The following PSD3 variants were observed in gnomAD, a reference collection of about 807,000 sequenced individuals.
PSD3 encodes PH and SEC7 domain-containing protein 3.
In PSD3, 49 loss-of-function variants were observed where a neutral mutation model predicts 105.5. The ratio of observed to expected loss-of-function variants is 0.46; its 90% CI spans 0.37 to 0.59. The LOEUF is 0.59. Among genes scored for constraint, PSD3 ranks in the 20% least tolerant of loss-of-function variants. The pLI, the probability that PSD3 is intolerant of heterozygous loss-of-function variation, is 0.00. For missense variants in PSD3, 1,561 were observed against 1,263.8 expected (o/e 1.24, Z -3.57); for synonymous variants, 557 against 457.8 (o/e 1.22, Z -2.77).
intron 1 of PSD3, among the ~76,000 whole-genome samples, chr8:19,060,816 G>A (rs1043234427): frequency 1.3e-5 from 2 of 152,226 alleles, no homozygotes; most frequent in African/African-American, 4.8e-5. Context: ...GGAACTGAAA[G>A]ATGAGACATG....
At chr8:18,562,519 G>T (rs992472265) in intron 14 of PSD3, among the ~76,000 whole-genome samples, 1 of 152,096 alleles carries the variant, frequency 6.6e-6, no homozygotes, top group Admixed American at 6.6e-5. Flanking sequence ...CACTGCTGCC[G>T]GGTCTCCTCT....
intron 2 of PSD3, among the ~76,000 whole-genome samples, chr8:18,895,853 T>C (rs559864625): frequency 2.0e-5 from 3 of 152,348 alleles, no homozygotes; most frequent in African/African-American, 7.2e-5. Flanking sequence ...CAATAAATGT[T>C]TGTAAATTAT....
At chr8:18,543,613 C>T (rs1484277684) in intron 15 of PSD3, among the ~76,000 whole-genome samples, 1 of 150,666 alleles carries the variant, frequency 6.6e-6, no homozygotes, top group East Asian at 2.0e-4. Flanking sequence ...GCGAGACTCT[C>T]TCTCAAAAAC....
chr8:18,793,240 G>C (rs1447902009), intron 8 of PSD3, among the ~76,000 whole-genome samples: 1 of 151,990 alleles, frequency 6.6e-6, no homozygotes, highest in African/African-American at 2.4e-5. Context: ...GTTAACAGGT[G>C]CAGCACACCA....
chr8:18,831,826 A>G (rs961112144), intron 4 of PSD3, among the ~76,000 whole-genome samples: 10 of 152,176 alleles, frequency 6.6e-5, no homozygotes, highest in Non-Finnish European at 1.0e-4. Flanking sequence ...ATAGCCAAAA[A>G]AGGATTTGGT....
intron 1 of PSD3, among the ~76,000 whole-genome samples, chr8:19,049,817 C>A (rs903403046): frequency 3.3e-5 from 5 of 151,598 alleles, no homozygotes; most frequent in African/African-American, 1.2e-4. Context: ...ATTAGTGAGA[C>A]ACAGAGCAGC....
At chr8:18,707,130 C>G (rs80230302) in intron 9 of PSD3, among the ~76,000 whole-genome samples, 42 of 152,278 alleles carry the variant, frequency 2.8e-4, no homozygotes, top group African/African-American at 8.4e-4. Flanking sequence ...TATACTCACT[C>G]TCTCGTTGTG....
At chr8:18,768,116 C>A (rs371172734) in intron 8 of PSD3, among the ~76,000 whole-genome samples, 329 of 97,242 alleles carry the variant, frequency 3.4e-3, no homozygotes, top group African/African-American at 4.6e-3. Flanking sequence ...ACTGAAAATA[C>A]AAAAAAAAAA....
chr8:19,008,831 C>G (rs906112903), intron 1 of PSD3, among the ~76,000 whole-genome samples: 1 of 152,148 alleles, frequency 6.6e-6, no homozygotes, highest in Non-Finnish European at 1.5e-5. Flanking sequence ...TTATGAATGC[C>G]CTCGGCTCAT....
chr8:18,804,012 G>C (rs1026706728), intron 6 of PSD3, among the ~76,000 whole-genome samples: 1 of 152,024 alleles, frequency 6.6e-6, no homozygotes, highest in East Asian at 1.9e-4. Context: ...ATCCAGATTT[G>C]CTTTGCTACC....
intron 1 of PSD3, among the ~76,000 whole-genome samples, chr8:18,992,295 T>C (rs11204012): frequency 0.054 from 6,879 of 128,112 alleles, 309 homozygotes; most frequent in African/African-American, 0.13. Flanking sequence ...TCCTTTTAAT[T>C]TGTTAGTGAT....
At chr8:18,851,607 T>C (rs566345904) in intron 4 of PSD3, among the ~76,000 whole-genome samples, 3 of 152,326 alleles carry the variant, frequency 2.0e-5, no homozygotes, top group Admixed American at 2.0e-4. Context: ...CACATTCGGC[T>C]CTTGGTGACA....
intron 8 of PSD3, among the ~76,000 whole-genome samples, chr8:18,791,838 T>C (rs1032198435): frequency 6.6e-6 from 1 of 152,112 alleles, no homozygotes; most frequent in African/African-American, 2.4e-5. Flanking sequence ...CTGACAATGG[T>C]CTAATACCCG....
chr8:19,004,824 T>C (rs1454410302), intron 1 of PSD3, among the ~76,000 whole-genome samples: 1 of 152,002 alleles, frequency 6.6e-6, no homozygotes, highest in Non-Finnish European at 1.5e-5. Flanking sequence ...TCTCAAGAGA[T>C]CTGATGGCTT....
At chr8:19,042,203 T>C (rs1229814740) in intron 1 of PSD3, among the ~76,000 whole-genome samples, 1 of 152,166 alleles carries the variant, frequency 6.6e-6, no homozygotes, top group Non-Finnish European at 1.5e-5. Flanking sequence ...CATATGATAT[T>C]TTGTCCCTGT....
intron 9 of PSD3, among the ~76,000 whole-genome samples, chr8:18,709,761 G>A (rs967523664): frequency 1.7e-4 from 26 of 151,984 alleles, no homozygotes; most frequent in Non-Finnish European, 3.2e-4. Flanking sequence ...TATGGAAGAG[G>A]GACCTAACTA....
chr8:19,034,608 T>C (rs1827882914), intron 1 of PSD3, among the ~76,000 whole-genome samples: 1 of 152,128 alleles, frequency 6.6e-6, no homozygotes, highest in Non-Finnish European at 1.5e-5. Context: ...CTTTACTGGG[T>C]GTGTTATTTT....
chr8:18,745,548 G>A (rs966209494), intron 9 of PSD3, among the ~76,000 whole-genome samples: 1 of 152,068 alleles, frequency 6.6e-6, no homozygotes, highest in Non-Finnish European at 1.5e-5. Context: ...GATGTTCTAG[G>A]CTCATTTTAT....
intron 4 of PSD3, among the ~76,000 whole-genome samples, chr8:18,819,829 G>A (rs1384194635): frequency 6.6e-6 from 1 of 152,038 alleles, no homozygotes; most frequent in Non-Finnish European, 1.5e-5. Context: ...TGCCAGCCTC[G>A]GCCTCCCAAA....
Sources: gnomAD v4.1 joint callset for allele counts (sites outside exome capture counted in the v4.1 genomes callset) on GRCh38, gnomAD v4.1.1 for gene constraint, MANE v1.5 for transcripts, NCBI Gene and HGNC (gene_info 2026-07-23, HGNC 2026-07-21) for gene names.